PITHD1: variants seen among roughly 807,000 people sequenced by gnomAD.
The protein encoded by PITHD1 is PITH domain containing 1, also known as PITH domain-containing protein 1.
A neutral mutation model predicts 27.5 loss-of-function variants in PITHD1; 8 were observed. That is an observed-to-expected ratio of 0.29 (90% CI 0.17 to 0.52). The LOEUF (loss-of-function observed/expected upper bound fraction) is 0.52, where lower values mean the gene tolerates loss of function less well. Ranked by LOEUF, PITHD1 falls within the 20% of genes least tolerant of loss-of-function variation. The pLI is 0.96. For missense variants in PITHD1, 233 were observed against 283.9 expected, an observed-to-expected ratio of 0.82 and a Z score of 1.29; for synonymous variants, 118 against 106.8, an observed-to-expected ratio of 1.10 and a Z score of -0.64.
chr1:23,784,110 T>C (rs1638649141), intron 3 of PITHD1, among the ~76,000 whole-genome samples: 1 of 152,174 alleles, frequency 6.6e-6, no homozygotes, highest in East Asian at 1.9e-4. Context: ...TCCTAGAAAG[T>C]CTAGCTCTAG....
At position 23,778,453 on chromosome 1, in the gene PITHD1, G is replaced by GAC; in HGVS notation, c.-63_-62insAC. On this transcript the variant is annotated 5_prime_UTR_variant, in exon 1 of 6. Transcript: ENST00000246151. ...GCTGAACGGCGCGGAGCTGGTCTGA[G>GAC]GCGAGCCGAGCCGAGCGAGCGCGGC... 8.2e-7 allele frequency: 1 copy of GAC among 1,219,792 alleles called. No homozygotes were observed. Among genetic ancestry groups the GAC allele is most frequent in the African/African-American group, 1.6e-5 (1 of 62,810 alleles). The allele number at this position is 1,219,792 out of a possible 1,614,324, so 75.6% of individuals were successfully genotyped here.
chr1:23,781,037 A>G (rs1275427363), intron 3 of PITHD1, among the ~76,000 whole-genome samples: 4 of 151,060 alleles, frequency 2.6e-5, no homozygotes, highest in Non-Finnish European at 5.9e-5. Flanking sequence ...AAAATACAAA[A>G]ATTAGCCGGG....
rs530858027 is a variant in PITHD1, at chr1:23,782,990, T to C, written c.321-2685T>C. On this transcript the variant is annotated intron_variant, in intron 3 of 5. Transcript: ENST00000246151. ...TGTAAAATGGTATTAAATATATGTA[T>C]TTTATTTTATTTTATTTTATTTTTG... 2.6e-5 allele frequency among the ~76,000 whole-genome samples: 4 copies of C among 151,094 alleles called. No homozygotes were observed. In the South Asian group the frequency reaches 8.4e-4, roughly 32 times the overall value.
At chr1:23,785,609 A>G in intron 3 of PITHD1, 66 bp from the exon 4 acceptor site, 1 of 940,666 alleles carries the variant, frequency 1.1e-6, no homozygotes, top group Non-Finnish European at 1.7e-6. Context: ...CAGTCAGTAG[A>G]AAATTTTGAA....
chr1:23,780,244 TAAC>T (rs1257194533), intron 3 of PITHD1, among the ~76,000 whole-genome samples: 2 of 152,242 alleles, frequency 1.3e-5, no homozygotes, highest in Non-Finnish European at 2.9e-5. Flanking sequence ...GTTTTCTTAA[TAAC>T]TAGCTGCAGA....
Position 23,779,866 on chromosome 1 carries a change from T to G in PITHD1, c.245T>G (p.Phe82Cys). ...ADEELLFNIP[F>C]TGNVKLKGII... is the part of the protein sequence containing the mutation. ...CCTTCTCTTTTGCATTCTGGCAGAT[T>G]TACGGGCAATGTCAAGCTCAAAGGC... Residue 82 changes from phenylalanine (F) to cysteine (C), a missense_variant and splice_region_variant, in exon 3 of 6, where the codon TTT becomes TGT. Physicochemically the swap from Phe to Cys is radical, Grantham distance 205. Transcript: ENST00000246151. The G allele has an allele frequency of 6.2e-7, 1 of 1,612,652 alleles. No homozygotes were observed. Among genetic ancestry groups the G allele is most frequent in the Non-Finnish European group, 8.5e-7 (1 of 1,178,668 alleles).
chr1:23,785,552 T>C, intron 3 of PITHD1, 123 bp from the exon 4 acceptor site: 1 of 554,892 alleles, frequency 1.8e-6, no homozygotes, highest in Non-Finnish European at 3.3e-6. Flanking sequence ...TTCTAAAATA[T>C]GACCCCCAAA....
intron 1 of PITHD1, 99 bp downstream of exon 1, chr1:23,778,812 G>A (rs1416208063): frequency 6.9e-6 from 5 of 726,584 alleles, no homozygotes. Context: ...CGACAGCCTG[G>A]TTGCCAAGCG....
At position 23,787,575 on chromosome 1, in the gene PITHD1, A is replaced by G. The variant is rs545787027; in HGVS notation, c.*199A>G. The G allele has an allele frequency of 1.4e-5, 6 of 422,518 alleles. No individual in the cohort carries two copies. In the Admixed American group the frequency reaches 2.4e-4, roughly 17 times the overall value. The allele number at this position is 422,518 out of a possible 1,614,324, so 26.2% of individuals were successfully genotyped here. A position where few individuals can be genotyped will look rare whatever the true frequency, so the allele number is the denominator to read the frequency against. ...AGGGTTGTGTAGGTGCCAGGGGACC[A>G]TCGTGGTTCTCTAGGGCGCTGTGGA... On this transcript the variant is annotated 3_prime_UTR_variant, in exon 6 of 6. Transcript: ENST00000246151.
rs573068942 is a variant in PITHD1 at position 23,783,421 on chromosome 1, G to A, written c.321-2254G>A. ...TACGCATATATACACATATATATGC[G>A]TATATATACGTGTGTGTGTGTGTGT... On this transcript the variant is annotated intron_variant, in intron 3 of 5. Transcript: ENST00000246151. Among the ~76,000 whole-genome samples the A allele has an allele frequency of 4.4e-4, 52 of 118,792 alleles. 1 individual carries two copies. The highest frequency in any genetic ancestry group is 4.2e-4 in the East Asian group (2 of 4,768). The allele number at this position is 118,792 out of a possible 152,430, so 77.9% of individuals were successfully genotyped here.
chr1:23,781,680 A>G (rs1638603318), intron 3 of PITHD1, among the ~76,000 whole-genome samples: 1 of 152,306 alleles, frequency 6.6e-6, no homozygotes, highest in African/African-American at 2.4e-5. Context: ...ATTGTGATTT[A>G]GAGTGTGGGA....
At chr1:23,787,146 A>G in intron 5 of PITHD1, 129 bp from the exon 6 acceptor site, 1 of 564,288 alleles carries the variant, frequency 1.8e-6, no homozygotes, top group Non-Finnish European at 3.2e-6. Context: ...ACATCTAAGT[A>G]TTAAAATAAG....
At chr1:23,778,883 T>C (rs1638552076) in intron 1 of PITHD1, among the ~76,000 whole-genome samples, 170 bp downstream of exon 1, 1 of 152,180 alleles carries the variant, frequency 6.6e-6, no homozygotes, top group Non-Finnish European at 1.5e-5. Context: ...CTCCCCATTT[T>C]GCATATAGGG....
At chr1:23,779,588 G>T in intron 2 of PITHD1, 107 bp downstream of exon 2, 1 of 912,958 alleles carries the variant, frequency 1.1e-6, no homozygotes, top group Non-Finnish European at 1.8e-6. Flanking sequence ...CTAGAAATGG[G>T]ATAAATTACT....
At chr1:23,784,904 C>A (rs547607368) in intron 3 of PITHD1, among the ~76,000 whole-genome samples, 7 of 152,124 alleles carry the variant, frequency 4.6e-5, no homozygotes, top group Non-Finnish European at 1.0e-4. Context: ...GAGTGTATGG[C>A]GTGGTTTTTG....
At chr1:23,779,415 T>C in intron 1 of PITHD1, 23 bp from the exon 2 acceptor site, 1 of 1,598,228 alleles carries the variant, frequency 6.3e-7, no homozygotes, top group Non-Finnish European at 8.6e-7. Context: ...TGCTTTCTCC[T>C]CCCCCCTCCC....
chr1:23,778,484 G>A lies in PITHD1; in HGVS notation c.-32G>A, dbSNP rs1638543608. On this transcript the variant is annotated 5_prime_UTR_variant, in exon 1 of 6. Transcript: ENST00000246151. ...CCGAGCCGAGCGAGCGCGGCGGTGG[G>A]GCCGAGAGGACGCGCAGGTGGCGGC... 7.5e-7 allele frequency: 1 copy of A among 1,332,990 alleles called. No homozygotes were observed. The allele number at this position is 1,332,990 out of a possible 1,614,324, so 82.6% of individuals were successfully genotyped here.
At chr1:23,779,185 C>G (rs938343768) in intron 1 of PITHD1, among the ~76,000 whole-genome samples, 4 of 152,192 alleles carry the variant, frequency 2.6e-5, no homozygotes, top group African/African-American at 9.7e-5. Context: ...TTTCAGTTCA[C>G]ACTTCAGAAG....
At chr1:23,785,156 ATGGGGTTATGT>A (rs1385233817) in intron 3 of PITHD1, 1 of 152,872 alleles carries the variant, frequency 6.5e-6, no homozygotes. Flanking sequence ...CAAAGATGCC[ATGGGGTTATGT>A]TGCAGATCTC....
Sources: allele counts gnomAD v4.1 joint callset (sites outside exome capture counted in the v4.1 genomes callset), GRCh38; gene constraint gnomAD v4.1.1; transcripts MANE v1.5; gene names NCBI Gene and HGNC (gene_info 2026-07-23, HGNC 2026-07-21).